Variants in CRYL1 observed in about 807,000 individuals in gnomAD.
The protein encoded by CRYL1 is lambda-crystallin homolog.
Under a neutral mutation model 36.6 loss-of-function variants are expected in CRYL1, and 29 were observed. That is an observed-to-expected ratio of 0.79 (90% CI 0.59 to 1.08). The LOEUF (loss-of-function observed/expected upper bound fraction) is 1.08, where lower values mean the gene tolerates loss of function less well. CRYL1 is among the 50% of genes least tolerant of loss of function. The pLI is 0.00. For missense variants in CRYL1, 411 were observed against 407.9 expected, an observed-to-expected ratio of 1.01 and a Z score of -0.06; for synonymous variants, 152 against 151.5, an observed-to-expected ratio of 1.00 and a Z score of -0.02.
At position 20,525,711 on chromosome 13, in the gene CRYL1, T is replaced by C; in HGVS notation, c.41+43A>G. The C allele has an allele frequency of 1.5e-6, 2 of 1,330,070 alleles. No individual in the cohort carries two copies. The highest frequency in any genetic ancestry group is 1.9e-6 in the Non-Finnish European group (2 of 1,035,298). The allele number at this position is 1,330,070 out of a possible 1,614,324, so 82.4% of individuals were successfully genotyped here. Reference sequence around the variant, plus strand: ...GCGAGGGCACCACGTCCCCGGCGTCTCCCCGGGCTCCAGGGGCAGCAGCGC... The same window carrying C: ...GCGAGGGCACCACGTCCCCGGCGTCCCCCCGGGCTCCAGGGGCAGCAGCGC... On this transcript the variant is annotated intron_variant, in intron 1 of 7. Transcript: ENST00000298248. The surrounding 1 kb of genome is among the most constrained non-coding windows in gnomAD (Gnocchi z 4.3).
intron 2 of CRYL1, among the ~76,000 whole-genome samples, chr13:20,505,593 T>C (rs1454249758): frequency 2.0e-5 from 3 of 152,058 alleles, no homozygotes; most frequent in African/African-American, 2.4e-5. Context: ...GCGTCCATAA[T>C]GGCTAGTACA....
intron 3 of CRYL1, among the ~76,000 whole-genome samples, chr13:20,476,323 A>G (rs1415211764): frequency 1.3e-5 from 2 of 149,654 alleles, no homozygotes; most frequent in Non-Finnish European, 3.0e-5. Flanking sequence ...CCACTGCACT[A>G]CAGCCTGGGT....
At position 20,495,661 on chromosome 13, in the gene CRYL1, C is replaced by T. The variant is rs1311530411; in HGVS notation, c.150-6165G>A. Among the ~76,000 whole-genome samples the T allele has an allele frequency of 3.9e-5, 6 of 152,258 alleles. No homozygotes were observed. In the South Asian group the frequency reaches 1.0e-3, roughly 26 times the overall value. On this transcript the variant is annotated intron_variant, in intron 2 of 7. Transcript: ENST00000298248. Reference sequence around the variant, plus strand: ...GTGCATATATCCAAAAGAACTGAAGCGGGATCGCAAAGAGAGATTTGCACA... The same window carrying T: ...GTGCATATATCCAAAAGAACTGAAGTGGGATCGCAAAGAGAGATTTGCACA...
At chr13:20,516,854 T>C (rs769701958) in intron 1 of CRYL1, among the ~76,000 whole-genome samples, 3 of 151,994 alleles carry the variant, frequency 2.0e-5, no homozygotes, top group Non-Finnish European at 4.4e-5. Flanking sequence ...GGAGGATAAT[T>C]AGAACCCAGA....
chr13:20,434,274 A>C (rs1021604932), intron 4 of CRYL1, among the ~76,000 whole-genome samples: 1 of 152,162 alleles, frequency 6.6e-6, no homozygotes, highest in Non-Finnish European at 1.5e-5. Flanking sequence ...TTACAAAAGG[A>C]TTGTAAAATG....
intron 5 of CRYL1, among the ~76,000 whole-genome samples, chr13:20,422,941 T>C (rs2031853647): frequency 6.6e-6 from 1 of 152,228 alleles, no homozygotes; most frequent in Admixed American, 6.5e-5. Flanking sequence ...TTCCATTTAT[T>C]TGTGTCTTCT....
intron 1 of CRYL1, among the ~76,000 whole-genome samples, chr13:20,518,403 T>C (rs1453848317): frequency 1.3e-5 from 2 of 152,002 alleles, no homozygotes; most frequent in African/African-American, 2.4e-5. Flanking sequence ...CTGCGACAAG[T>C]GTTCCTCAAA....
At chr13:20,459,381 A>C (rs1355587533) in intron 3 of CRYL1, among the ~76,000 whole-genome samples, 1 of 152,224 alleles carries the variant, frequency 6.6e-6, no homozygotes, top group Non-Finnish European at 1.5e-5. Context: ...TCATTCTACT[A>C]TAAAGACACA....
intron 3 of CRYL1, among the ~76,000 whole-genome samples, chr13:20,441,698 T>C (rs2032354595): frequency 6.6e-6 from 1 of 152,222 alleles, no homozygotes. Context: ...CAAAAATAAA[T>C]GTTTTCAAGT....
At chr13:20,473,331 A>T (rs963394435) in intron 3 of CRYL1, among the ~76,000 whole-genome samples, 3 of 152,236 alleles carry the variant, frequency 2.0e-5, no homozygotes, top group Admixed American at 6.5e-5. Flanking sequence ...GCTGTGAGAC[A>T]GCTATATTTT....
intron 4 of CRYL1, 65 bp from the exon 5 acceptor site, chr13:20,432,361 C>A (rs981040279): frequency 1.3e-5 from 16 of 1,237,182 alleles, no homozygotes; most frequent in African/African-American, 3.0e-5. Context: ...ACTGCACCCA[C>A]CCTGAATGGT....
intron 5 of CRYL1, among the ~76,000 whole-genome samples, chr13:20,413,665 T>G (rs547425646): frequency 6.6e-6 from 1 of 152,322 alleles, no homozygotes; most frequent in Non-Finnish European, 1.5e-5. Context: ...ACACCTAGCC[T>G]GAAAGTAATT....
intron 3 of CRYL1, among the ~76,000 whole-genome samples, chr13:20,441,634 A>G (rs963350129): frequency 6.6e-6 from 1 of 152,242 alleles, no homozygotes; most frequent in African/African-American, 2.4e-5. Context: ...AGAAATGTGC[A>G]AATGTGAAAT....
intron 3 of CRYL1, among the ~76,000 whole-genome samples, chr13:20,444,140 T>C (rs2032405692): frequency 6.6e-6 from 1 of 152,194 alleles, no homozygotes; most frequent in Admixed American, 6.5e-5. Context: ...AAAAAAAGAA[T>C]CTTTTTGCTC....
Position 20,404,076 on chromosome 13 carries a change from T to G in CRYL1, c.*53A>C. On this transcript the variant is annotated 3_prime_UTR_variant, in exon 8 of 8. Coordinates refer to ENST00000298248, the MANE Select transcript of CRYL1 (RefSeq NM_015974.3). ...CAGAGGGCTGATTAAGGGCTTGCAGTGTTCCCAAATAGGGCCTCCAATGAG... is the reference window on the plus strand; with the variant it reads ...CAGAGGGCTGATTAAGGGCTTGCAGGGTTCCCAAATAGGGCCTCCAATGAG... 7.9e-7 allele frequency: 1 copy of G among 1,258,402 alleles called. No individual in the cohort carries two copies. The highest frequency in any genetic ancestry group is 1.5e-5 in the African/African-American group (1 of 68,182). 78.0% of individuals were successfully genotyped at this position (1,258,402 alleles called of 1,614,324 possible).
intron 2 of CRYL1, among the ~76,000 whole-genome samples, chr13:20,502,207 C>T (rs1157118876): frequency 6.6e-6 from 1 of 152,166 alleles, no homozygotes; most frequent in African/African-American, 2.4e-5. Flanking sequence ...ATCTGCAAAC[C>T]TTGTAGTGAG....
chr13:20,473,667 G>A (rs2033105667), intron 3 of CRYL1, among the ~76,000 whole-genome samples: 1 of 152,230 alleles, frequency 6.6e-6, no homozygotes, highest in African/African-American at 2.4e-5. Flanking sequence ...CGTAGAAGGA[G>A]CCCGTTGGTG....
Position 20,415,583 on chromosome 13 carries a change from C to G in CRYL1, c.634-2196G>C, listed in dbSNP as rs913164769. ...TGACCCGCGACTCCCTTTTAGAGAG[C>G]CACTTTGCGTTTCGTTTTGTTTGCG... On this transcript the variant is annotated intron_variant, in intron 5 of 7. Coordinates refer to ENST00000298248, the MANE Select transcript of CRYL1 (RefSeq NM_015974.3). This position sits in a 1 kb window ranked among gnomAD's most constrained non-coding sequence, Gnocchi z 4.1. 6.6e-6 allele frequency among the ~76,000 whole-genome samples: 1 copy of G among 152,216 alleles called. No homozygotes were observed. Among genetic ancestry groups the G allele is most frequent in the African/African-American group, 2.4e-5 (1 of 41,472 alleles).
At chr13:20,422,729 G>A (rs2031847450) in intron 5 of CRYL1, among the ~76,000 whole-genome samples, 2 of 152,218 alleles carry the variant, frequency 1.3e-5, no homozygotes, top group African/African-American at 2.4e-5. Context: ...TTTTGGAAGA[G>A]CCCCACATTC....
Sources: gnomAD v4.1 joint callset for allele counts (sites outside exome capture counted in the v4.1 genomes callset) on GRCh38, gnomAD v4.1.1 for gene constraint, Gnocchi (gnomAD v3.1) non-coding constraint, MANE v1.5 for transcripts, NCBI Gene and HGNC (gene_info 2026-07-23, HGNC 2026-07-21) for gene names.